The following KIF1A variants were observed in gnomAD, a reference collection of about 807,000 sequenced individuals.
KIF1A encodes the protein kinesin-like protein KIF1A.
Under a neutral mutation model 227.3 loss-of-function variants are expected in KIF1A, and 46 were observed. The ratio of observed to expected loss-of-function variants is 0.20; its 90% confidence interval spans 0.16 to 0.26. The LOEUF is 0.26. Ranked by LOEUF, KIF1A falls within the 10% of genes least tolerant of loss-of-function variation. The pLI, the probability that KIF1A is intolerant of heterozygous loss-of-function variation, is 1.00. For missense variants in KIF1A, 1,683 were observed against 2,485.9 expected (o/e 0.68, Z 6.87); for synonymous variants, 1,022 against 1,012.8 (o/e 1.01, Z -0.17).
At chr2:240,773,313 C>A in intron 12 of KIF1A, 57 bp from the exon 13 acceptor site, 1 of 1,603,142 alleles carries the variant, frequency 6.2e-7, no homozygotes. Flanking sequence ...TCTGGCAGGT[C>A]CCAAGGGTGC....
chr2:240,734,151 G>A (rs775413844), intron 38 of KIF1A, among the ~76,000 whole-genome samples: 18 of 152,270 alleles, frequency 1.2e-4, no homozygotes, highest in Non-Finnish European at 2.4e-4. Flanking sequence ...CCTCCTCCTG[G>A]CCTGGCCAGG....
rs904992616 is a variant in KIF1A, at chr2:240,765,805, G to A, written c.1685-12C>T. On this transcript the variant is annotated splice_polypyrimidine_tract_variant and intron_variant, in intron 19 of 48. Coordinates refer to ENST00000498729, the MANE Select transcript of KIF1A (RefSeq NM_001244008.2). The stretch of plus-strand genomic sequence containing the variant: ...CAAGGTCACCACAGCTACAGGAAAG[G>A]TGGGAGGGGCAGAGAGGAGGACTAT... The A allele has an allele frequency of 1.2e-6, 2 of 1,608,680 alleles. No individual in the cohort carries two copies. Among genetic ancestry groups the A allele is most frequent in the African/African-American group, 1.3e-5 (1 of 74,846 alleles).
intron 1 of KIF1A, among the ~76,000 whole-genome samples, chr2:240,807,130 G>GTGTGTGTATATATATA (rs1356399506): frequency 8.4e-6 from 1 of 119,450 alleles, no homozygotes; most frequent in African/African-American, 3.0e-5. Flanking sequence ...GTGTGTGTGT[G>GTGTGTGTATATATATA]TATATATATA....
At position 240,716,615 on chromosome 2, in the gene KIF1A, A is replaced by G. The variant is rs536755357; in HGVS notation, c.*749T>C. 6.6e-6 allele frequency: 1 copy of G among 151,260 alleles called. No individual in the cohort carries two copies. Among genetic ancestry groups the G allele is most frequent in the Non-Finnish European group, 1.5e-5 (1 of 67,732 alleles). 9.4% of individuals were successfully genotyped at this position (151,260 alleles called of 1,614,324 possible). ...AGCTGCCGGAACTCTTCTTGGAGTC[A>G]CTCCTCAGGTGGCCGCCCAGAAGAG... On this transcript the variant is annotated 3_prime_UTR_variant, in exon 49 of 49. Coordinates refer to ENST00000498729, the MANE Select transcript of KIF1A (RefSeq NM_001244008.2).
At chr2:240,761,710 A>T (rs543348947) in intron 23 of KIF1A, among the ~76,000 whole-genome samples, 1 of 152,180 alleles carries the variant, frequency 6.6e-6, no homozygotes, top group Non-Finnish European at 1.5e-5. Context: ...ACCGGCAGAG[A>T]GCTCTGTCAC....
At chr2:240,796,954 C>T (rs1171472969) in intron 2 of KIF1A, among the ~76,000 whole-genome samples, 3 of 151,946 alleles carry the variant, frequency 2.0e-5, no homozygotes, top group Admixed American at 6.5e-5. Context: ...GATGGGTGCA[C>T]GGCACCTGTG....
At chr2:240,767,226 G>T (rs1255524951) in intron 18 of KIF1A, 40 bp downstream of exon 18, 3 of 1,540,760 alleles carry the variant, frequency 1.9e-6, no homozygotes, top group African/African-American at 2.7e-5. Context: ...CAGATCCCAG[G>T]GCCTGGCCAG....
intron 41 of KIF1A, 63 bp downstream of exon 41, chr2:240,723,912 C>G (rs1275896833): frequency 2.9e-6 from 4 of 1,378,176 alleles, no homozygotes; most frequent in African/African-American, 1.4e-5. Context: ...CTGTGGTCAC[C>G]CCAAGTGGGC....
chr2:240,784,898 C>G (rs2054524492), intron 7 of KIF1A, 91 bp downstream of exon 7: 3 of 1,037,180 alleles, frequency 2.9e-6, no homozygotes, highest in Non-Finnish European at 4.5e-6. Flanking sequence ...TGGGCCTGTC[C>G]TTGTGCTGCC....
intron 10 of KIF1A, among the ~76,000 whole-genome samples, chr2:240,777,772 CG>C (rs2052964035): frequency 6.6e-6 from 1 of 152,236 alleles, no homozygotes; most frequent in South Asian, 2.1e-4. Context: ...GATCCTCAGA[CG>C]GGCCCGGCTC....
In KIF1A at chr2:240,763,147, G is replaced by C. The variant is rs758914324; in HGVS notation, c.1949+19C>G. 1.7e-5 allele frequency: 28 copies of C among 1,606,104 alleles called. No individual in the cohort carries two copies. The highest frequency in any genetic ancestry group is 1.7e-4 in the Middle Eastern group (1 of 6,024). The stretch of plus-strand genomic sequence containing the variant: ...GGGCAGGAGGGGCAGCAGGCAGTTG[G>C]GGGTGGCCTCCGCCTCACCTCTGCT... On this transcript the variant is annotated intron_variant, in intron 21 of 48. Coordinates refer to ENST00000498729, the MANE Select transcript of KIF1A (RefSeq NM_001244008.2).
Position 240,771,066 on chromosome 2 carries a change from G to A in KIF1A, c.1246C>T (p.Leu416Phe), listed in dbSNP as rs1307310707. 6.2e-7 allele frequency: 1 copy of A among 1,613,546 alleles called. No individual in the cohort carries two copies. The highest frequency in any genetic ancestry group is 2.2e-5 in the East Asian group (1 of 44,880). The change falls in exon 15 of 49, where the codon CTC becomes TTC. Residue 416 changes from leucine (L) to phenylalanine (F), a missense_variant. By Grantham distance (22) the Leu-to-Phe change is conservative. Around this residue, in one of 12 missense-constraint regions of KIF1A, gnomAD observed 110 missense variants for 133.1 expected, o/e 0.83. Transcript: ENST00000498729. The part of the protein sequence containing the change: ...ALVGMSPSSS[L>F]SALSSRAASV... ...GCCGCGCGGCTGGACAGGGCTGAGAGCGAGGATGAGGGGCTCATACCCACC... is the reference window on the plus strand; with the variant it reads ...GCCGCGCGGCTGGACAGGGCTGAGAACGAGGATGAGGGGCTCATACCCACC...
At chr2:240,743,200 C>T (rs1290364094) in intron 33 of KIF1A, among the ~76,000 whole-genome samples, 1 of 152,184 alleles carries the variant, frequency 6.6e-6, no homozygotes, top group African/African-American at 2.4e-5. Context: ...AAGGGTCAAG[C>T]TCTGGCTCCC....
rs776444399 is a variant in KIF1A, at chr2:240,760,722, A to C, written c.2387T>G (p.Val796Gly). 1 of 1,588,192 alleles carries C rather than the reference A, an allele frequency of 6.3e-7. No individual in the cohort carries two copies. Residue 796 changes from valine to glycine, a missense_variant, in exon 25 of 49, where the codon GTG (valine) becomes GGG (glycine). Val to Gly is a moderately radical substitution (Grantham distance 109). Around this residue, in one of 12 missense-constraint regions of KIF1A, gnomAD observed 759 missense variants for 1,020.2 expected, o/e 0.74. Transcript: ENST00000498729. ...CCCGTTCTTCTGGTCCTGGACCTCCACGGCCACAATGGTGCGGGGGAAGGG... is the reference window on the plus strand; with the variant it reads ...CCCGTTCTTCTGGTCCTGGACCTCCCCGGCCACAATGGTGCGGGGGAAGGG... ...TRPFPRTIVA[V>G]EVQDQKNGAT... is the part of the protein sequence containing the mutation.
intron 1 of KIF1A, chr2:240,798,063 A>C: frequency 1.1e-5 from 3 of 266,736 alleles, no homozygotes; most frequent in East Asian, 8.2e-5. Context: ...ACAGAAACAC[A>C]GCGACCTGGG....
At chr2:240,734,343 G>A (rs1199895965) in intron 38 of KIF1A, among the ~76,000 whole-genome samples, 1 of 152,112 alleles carries the variant, frequency 6.6e-6, no homozygotes, top group East Asian at 1.9e-4. Context: ...CCAGCCAGCA[G>A]CGTGCGGGAC....
chr2:240,791,387 C>A (rs1353121869), intron 2 of KIF1A, among the ~76,000 whole-genome samples: 1 of 152,056 alleles, frequency 6.6e-6, no homozygotes, highest in African/African-American at 2.4e-5. Flanking sequence ...TCCACCTCAT[C>A]CCCTCACTCC....
rs1451532130 is a variant in KIF1A, at chr2:240,783,802, G to A, written c.735C>T (p.Ser245=). 1 of 1,590,632 alleles carries A rather than the reference G, an allele frequency of 6.3e-7. No homozygotes were observed. Among genetic ancestry groups the A allele is most frequent in the South Asian group, 1.1e-5 (1 of 87,078 alleles). ...GCTCGCTCCCAGCCAGGTCCACCAG[G>A]CTGATTTTGCTCACCTGAAACAGTA... ...NITTEKVSKI[S]LVDLAGSERA... The change falls in exon 8 of 49, where the codon AGC becomes AGT. Residue 245 remains serine, a synonymous_variant. Coordinates refer to ENST00000498729, the MANE Select transcript of KIF1A (RefSeq NM_001244008.2).
At chr2:240,796,841 C>T (rs1264064401) in intron 2 of KIF1A, among the ~76,000 whole-genome samples, 1 of 152,190 alleles carries the variant, frequency 6.6e-6, no homozygotes, top group Admixed American at 6.5e-5. Context: ...CCTGAGCAGG[C>T]CTCGGAGACT....
Sources: allele counts gnomAD v4.1 joint callset (sites outside exome capture counted in the v4.1 genomes callset), GRCh38; gene constraint gnomAD v4.1.1; regional missense constraint gnomAD v4.1.1; transcripts MANE v1.5; gene names NCBI Gene and HGNC (gene_info 2026-07-23, HGNC 2026-07-21).